The following SLC4A4 variants were observed in gnomAD, a reference collection of about 807,000 sequenced individuals.
SLC4A4 encodes the protein electrogenic sodium bicarbonate cotransporter 1.
In SLC4A4, 27 loss-of-function variants were observed where a neutral mutation model predicts 111.5. That is an observed-to-expected ratio of 0.24 (90% CI 0.18 to 0.33). The LOEUF (loss-of-function observed/expected upper bound fraction) is 0.33, where lower values mean the gene tolerates loss of function less well. Among genes scored for constraint, SLC4A4 ranks in the 10% least tolerant of loss-of-function variants. SLC4A4 has a pLI of 1.00. For synonymous variants in SLC4A4, 443 were observed against 463.4 expected, an observed-to-expected ratio of 0.96 and a Z score of 0.57; for missense variants, 909 against 1,315.5, an observed-to-expected ratio of 0.69 and a Z score of 4.78.
At chr4:71,258,702 C>T (rs1244197725) in intron 3 of SLC4A4, among the ~76,000 whole-genome samples, 2 of 152,110 alleles carry the variant, frequency 1.3e-5, no homozygotes, top group Non-Finnish European at 2.9e-5. Flanking sequence ...CCTGGAACAT[C>T]GTATTTATAT....
At chr4:71,261,826 G>C (rs1721874816) in intron 3 of SLC4A4, among the ~76,000 whole-genome samples, 1 of 152,158 alleles carries the variant, frequency 6.6e-6, no homozygotes, top group African/African-American at 2.4e-5. Flanking sequence ...TGTCATGGGA[G>C]AGTTGATGTT....
chr4:71,153,033 G>GTGTATATA (rs386400441), intron 2 of SLC4A4, among the ~76,000 whole-genome samples: 46 of 132,720 alleles, frequency 3.5e-4, no homozygotes, highest in Non-Finnish European at 6.6e-4. Flanking sequence ...ATATGTGTGT[G>GTGTATATA]TATATATATA....
At chr4:71,480,771 C>A (rs182627364) in intron 14 of SLC4A4, among the ~76,000 whole-genome samples, 1 of 151,804 alleles carries the variant, frequency 6.6e-6, no homozygotes, top group Non-Finnish European at 1.5e-5. Context: ...TTAATCAGTG[C>A]CACATAGCTG....
In SLC4A4 at chr4:71,440,745, GC is replaced by G. The variant is rs767534624; in HGVS notation, c.940del (p.Leu314Ter). ...VRLQQAVMLGALTEVPVPTRF... is the reference protein window; with the variant it reads ...VRLQQAVMLGXLTEVPVPTRF... ...GCTACAGCAGGCTGTCATGCTGGGT[GC>G]CCTGACTGAAGTTCCTGTGCCCACA... is the stretch of plus-strand genomic sequence containing the variant. On this transcript the variant is annotated frameshift_variant, in exon 8 of 26. Transcript: ENST00000264485. LOFTEE classifies it high-confidence loss of function. 1 of 1,614,102 alleles carries G rather than the reference GC, an allele frequency of 6.2e-7. No homozygotes were observed.
intron 14 of SLC4A4, among the ~76,000 whole-genome samples, chr4:71,483,993 A>C (rs1352859340): frequency 1.3e-5 from 2 of 151,556 alleles, no homozygotes. Flanking sequence ...GTGTCTGTTC[A>C]TGTCCTTAGC....
chr4:71,277,311 T>C (rs142207832), intron 3 of SLC4A4, among the ~76,000 whole-genome samples: 2 of 152,176 alleles, frequency 1.3e-5, no homozygotes, highest in Admixed American at 1.3e-4. Flanking sequence ...TTTAGAATTA[T>C]CATTATTTTT....
intron 2 of SLC4A4, among the ~76,000 whole-genome samples, chr4:71,174,211 A>C (rs1745020343): frequency 6.6e-6 from 1 of 152,030 alleles, no homozygotes; most frequent in Non-Finnish European, 1.5e-5. Flanking sequence ...TTATGACAAA[A>C]GAGATTGTCC....
At chr4:71,110,934 T>TA (rs1743068271) in intron 2 of SLC4A4, among the ~76,000 whole-genome samples, 1 of 152,144 alleles carries the variant, frequency 6.6e-6, no homozygotes, top group African/African-American at 2.4e-5. Flanking sequence ...AAACTTGATC[T>TA]AAAAAAATCA....
chr4:71,332,264 G>A (rs895424736), intron 3 of SLC4A4, among the ~76,000 whole-genome samples: 2 of 151,564 alleles, frequency 1.3e-5, no homozygotes, highest in African/African-American at 4.8e-5. Context: ...TGCATTGTTC[G>A]GTTTTTTGTT....
intron 2 of SLC4A4, among the ~76,000 whole-genome samples, chr4:71,168,887 C>G (rs888958535): frequency 2.0e-5 from 3 of 152,182 alleles, no homozygotes; most frequent in African/African-American, 7.2e-5. Context: ...CAAATCTTGG[C>G]TATTATGACC....
intron 1 of SLC4A4, chr4:71,236,060 A>G (rs1399289785): frequency 4.0e-6 from 4 of 994,678 alleles, no homozygotes; most frequent in Admixed American, 1.1e-4. Flanking sequence ...CTAGGCTCCC[A>G]CTGTGCACTA....
At chr4:71,509,545 G>T (rs1339763506) in intron 16 of SLC4A4, among the ~76,000 whole-genome samples, 2 of 152,092 alleles carry the variant, frequency 1.3e-5, no homozygotes, top group South Asian at 2.1e-4. Flanking sequence ...GATTGCCTTA[G>T]TGGCCTACTT....
chr4:71,125,765 T>C (rs1424457814), intron 2 of SLC4A4, among the ~76,000 whole-genome samples: 1 of 152,198 alleles, frequency 6.6e-6, no homozygotes, highest in East Asian at 1.9e-4. Flanking sequence ...AAAGGACAGA[T>C]TCAGGTTCTG....
intron 7 of SLC4A4, among the ~76,000 whole-genome samples, chr4:71,427,561 C>G (rs542432905): frequency 4.0e-4 from 61 of 152,146 alleles, no homozygotes; most frequent in Middle Eastern, 6.8e-3. Context: ...TTTTTACCCC[C>G]TCTTGGGATT....
At chr4:71,154,043 G>T (rs1196693810) in intron 2 of SLC4A4, among the ~76,000 whole-genome samples, 1 of 152,190 alleles carries the variant, frequency 6.6e-6, no homozygotes, top group African/African-American at 2.4e-5. Context: ...ATGCGGATTT[G>T]GAGTAGATTA....
intron 2 of SLC4A4, among the ~76,000 whole-genome samples, chr4:71,156,971 T>C (rs188073048): frequency 6.6e-6 from 1 of 152,320 alleles, no homozygotes; most frequent in Admixed American, 6.5e-5. Flanking sequence ...GAATGGCATG[T>C]CATAAAGAAA....
At chr4:71,444,585 A>G (rs1725056879) in intron 8 of SLC4A4, among the ~76,000 whole-genome samples, 1 of 152,244 alleles carries the variant, frequency 6.6e-6, no homozygotes, top group Non-Finnish European at 1.5e-5. Flanking sequence ...GTCCATTGAC[A>G]AAAAACAGCT....
chr4:71,529,171 G>A (rs1733702745), intron 16 of SLC4A4, among the ~76,000 whole-genome samples: 2 of 151,990 alleles, frequency 1.3e-5, no homozygotes, highest in Admixed American at 6.6e-5. Flanking sequence ...AGAATAATTT[G>A]AAAAACAGCC....
intron 18 of SLC4A4, among the ~76,000 whole-genome samples, chr4:71,541,736 G>T (rs763218794): frequency 2.0e-5 from 3 of 151,830 alleles, no homozygotes; most frequent in Admixed American, 1.3e-4. Context: ...GGAGGTGGGT[G>T]GGGGGAGCTG....
Sources: allele counts gnomAD v4.1 joint callset (sites outside exome capture counted in the v4.1 genomes callset), GRCh38; gene constraint gnomAD v4.1.1; transcripts MANE v1.5; gene names NCBI Gene and HGNC (gene_info 2026-07-23, HGNC 2026-07-21).